Variants in PCGF3 observed in about 807,000 individuals in gnomAD.
The protein encoded by PCGF3 is polycomb group RING finger protein 3.
A neutral mutation model predicts 33.1 loss-of-function variants in PCGF3; 7 were observed. The observed-to-expected ratio is 0.21, with a 90% CI of 0.12 to 0.40. PCGF3 has a LOEUF of 0.40. PCGF3 is among the 10% of genes least tolerant of loss of function. PCGF3 has a pLI of 1.00. For missense variants in PCGF3, 211 were observed against 313.3 expected (o/e 0.67, Z 2.46); for synonymous variants, 153 against 121.3 (o/e 1.26, Z -1.72).
intron 9 of PCGF3, chr4:761,688 G>A: frequency 1.0e-6 from 1 of 985,392 alleles, no homozygotes; most frequent in Non-Finnish European, 1.2e-6. Flanking sequence ...TAGGATAAAG[G>A]TTTTCCTCAA....
intron 6 of PCGF3, among the ~76,000 whole-genome samples, chr4:738,931 G>C (rs1356882028): frequency 2.0e-5 from 3 of 152,124 alleles, no homozygotes; most frequent in African/African-American, 7.2e-5. Flanking sequence ...GATCGGGGCA[G>C]GAACCTCGAG....
At chr4:711,886 G>A (rs755507598) in intron 1 of PCGF3, among the ~76,000 whole-genome samples, 24 of 151,534 alleles carry the variant, frequency 1.6e-4, no homozygotes, top group African/African-American at 3.9e-4. Flanking sequence ...GCTTGAACCC[G>A]GGAAGCGGAG....
At chr4:728,626 A>G (rs1364864004) in intron 1 of PCGF3, among the ~76,000 whole-genome samples, 2 of 152,198 alleles carry the variant, frequency 1.3e-5, no homozygotes, top group South Asian at 2.1e-4. Context: ...ACCTTCTAAC[A>G]TAGTAAATAA....
chr4:755,021 T>C (rs1744705469), intron 8 of PCGF3, among the ~76,000 whole-genome samples: 2 of 152,214 alleles, frequency 1.3e-5, no homozygotes, highest in South Asian at 2.1e-4. Context: ...TGTGTAGCCA[T>C]AGACAGCGAC....
At chr4:725,933 C>T (rs761683687) in intron 1 of PCGF3, among the ~76,000 whole-genome samples, 1 of 152,198 alleles carries the variant, frequency 6.6e-6, no homozygotes, top group East Asian at 1.9e-4. Flanking sequence ...CCCAGGGCCA[C>T]TCTCCGCCAG....
At chr4:740,458 C>A (rs1167733920) in intron 6 of PCGF3, among the ~76,000 whole-genome samples, 1 of 152,178 alleles carries the variant, frequency 6.6e-6, no homozygotes. Flanking sequence ...TCAGCCCACT[C>A]TGGGCTCTTT....
chr4:721,851 A>G lies in PCGF3; in HGVS notation c.-189-8779A>G, dbSNP rs528729098. Among the ~76,000 whole-genome samples the G allele has an allele frequency of 1.1e-4, 14 of 124,792 alleles. 1 individual carries two copies. Among genetic ancestry groups the G allele is most frequent in the Admixed American group, 1.6e-4 (2 of 12,152 alleles). 81.9% of individuals were successfully genotyped at this position (124,792 alleles called of 152,430 possible). A position where few individuals can be genotyped will look rare whatever the true frequency, so the allele number is the denominator to read the frequency against. On this transcript the variant is annotated intron_variant, in intron 1 of 10. Coordinates refer to ENST00000362003, the Ensembl canonical transcript of PCGF3. This position sits in a 1 kb window ranked among gnomAD's most constrained non-coding sequence, Gnocchi z 4.1. ...TGGGTGTCTCTGCATGTGGGTGTGG[A>G]AAGAGGCCTGTGGGAGACTGGTGGA...
intron 1 of PCGF3, among the ~76,000 whole-genome samples, chr4:722,639 G>A (rs566880222): frequency 7.3e-6 from 1 of 136,698 alleles, no homozygotes. Flanking sequence ...CGCCGTCCGC[G>A]CCGGGTCCAC....
At chr4:744,344 C>G (rs528596062) in intron 7 of PCGF3, among the ~76,000 whole-genome samples, 5 of 152,246 alleles carry the variant, frequency 3.3e-5, no homozygotes, top group Admixed American at 6.5e-5. Context: ...GTGTCCCACG[C>G]CGGCTCCGGC....
At chr4:724,039 G>A (rs1398411949) in intron 1 of PCGF3, 2 of 152,332 alleles carry the variant, frequency 1.3e-5, no homozygotes, top group Non-Finnish European at 2.9e-5. Context: ...CAAGCGTCAG[G>A]CACAGCAGCT....
At chr4:715,692 C>T (rs1160918648) in intron 1 of PCGF3, among the ~76,000 whole-genome samples, 28 of 115,042 alleles carry the variant, frequency 2.4e-4, no homozygotes, top group East Asian at 9.3e-4. Context: ...GAGAACTGGG[C>T]GTCGGTGCTG....
rs1464911785 is a variant in PCGF3, at chr4:737,533, A to T, written c.262+12A>T. On this transcript the variant is annotated intron_variant, in intron 6 of 10. Transcript: ENST00000362003. ...AGGCCTCCAAGAAGGTGAGTGTCTG[A>T]CTGTCTTGCTGATCCCTGAGGTCCC... is the stretch of plus-strand genomic sequence containing the variant. 5.1e-6 allele frequency: 8 copies of T among 1,574,882 alleles called. No homozygotes were observed. The highest frequency in any genetic ancestry group is 2.2e-5 in the South Asian group (2 of 90,336).
intron 7 of PCGF3, 25 bp from the exon 8 acceptor site, chr4:744,575 C>T (rs762464928): frequency 1.5e-4 from 225 of 1,508,512 alleles, no homozygotes; most frequent in African/African-American, 1.4e-3. Flanking sequence ...TTTCATGGTG[C>T]GCTATGTTCT....
chr4:722,670 G>A (rs1743143040), intron 1 of PCGF3, among the ~76,000 whole-genome samples: 1 of 104,580 alleles, frequency 9.6e-6, no homozygotes, highest in African/African-American at 4.0e-5. Context: ...TCACCTGTCT[G>A]CGCTGGGTCC....
chr4:718,668 AG>A, intron 1 of PCGF3, among the ~76,000 whole-genome samples: 1 of 152,282 alleles, frequency 6.6e-6, no homozygotes, highest in South Asian at 2.1e-4. Context: ...TTGGGGGCCC[AG>A]TTGCTCTAAT....
chr4:753,593 A>G (rs542418766), intron 8 of PCGF3, among the ~76,000 whole-genome samples: 1 of 151,050 alleles, frequency 6.6e-6, no homozygotes, highest in South Asian at 2.1e-4. Flanking sequence ...CAGTGAGCCG[A>G]GATCACGCCA....
At chr4:768,751 ATTG>A (rs547859799) in exon 11 of PCGF3, 353 of 152,694 alleles carry the variant, frequency 2.3e-3, no homozygotes, top group Non-Finnish European at 2.9e-3. Flanking sequence ...TTCCCATCCA[ATTG>A]TTTGGTTTCA....
intron 1 of PCGF3, among the ~76,000 whole-genome samples, chr4:717,766 C>G (rs901448845): frequency 3.9e-5 from 6 of 152,230 alleles, no homozygotes; most frequent in Non-Finnish European, 5.9e-5. Flanking sequence ...AGGGCGTGTT[C>G]TGGGCACAGG....
chr4:744,503 G>T, intron 7 of PCGF3, 97 bp from the exon 8 acceptor site: 3 of 902,856 alleles, frequency 3.3e-6, no homozygotes, highest in Non-Finnish European at 5.3e-6. Context: ...TCTCTTAATG[G>T]AGTGAATTTT....
Sources: allele counts gnomAD v4.1 joint callset (sites outside exome capture counted in the v4.1 genomes callset), GRCh38; gene constraint gnomAD v4.1.1; non-coding constraint Gnocchi (gnomAD v3.1); transcripts MANE v1.5; gene names NCBI Gene and HGNC (gene_info 2026-07-23, HGNC 2026-07-21).